Variants in PTPRC observed in about 807,000 individuals in gnomAD.
PTPRC encodes the protein protein tyrosine phosphatase receptor type C.
Under a neutral mutation model 155.9 loss-of-function variants are expected in PTPRC, and 44 were observed. The observed-to-expected ratio is 0.28, with a 90% CI of 0.22 to 0.36. PTPRC has a LOEUF of 0.36. Ranked by LOEUF, PTPRC falls within the 10% of genes least tolerant of loss-of-function variation. The probability of loss-of-function intolerance (pLI) is 1.00; values close to 1 mark genes in which losing one functional copy is unlikely to be tolerated. For synonymous variants in PTPRC, 525 were observed against 533.1 expected (o/e 0.98, Z 0.21); for missense variants, 1,401 against 1,564.6 (o/e 0.90, Z 1.76).
intron 3 of PTPRC, chr1:198,695,078 A>G: frequency 1.1e-6 from 1 of 917,872 alleles, no homozygotes; most frequent in Non-Finnish European, 1.3e-6. Context: ...TATTTCATGT[A>G]TATTGGAATT....
chr1:198,715,895 C>T (rs757688164), intron 12 of PTPRC, among the ~76,000 whole-genome samples: 3 of 152,148 alleles, frequency 2.0e-5, no homozygotes, highest in Non-Finnish European at 4.4e-5. Context: ...CCTGATGTCA[C>T]TTGGCTACTC....
At chr1:198,729,639 G>T (rs1654298856) in intron 17 of PTPRC, among the ~76,000 whole-genome samples, 1 of 152,160 alleles carries the variant, frequency 6.6e-6, no homozygotes, top group South Asian at 2.1e-4. Context: ...CTCAGCACCT[G>T]TGAAGTTCCC....
At chr1:198,715,267 C>T (rs1015903321) in intron 12 of PTPRC, among the ~76,000 whole-genome samples, 25 of 152,058 alleles carry the variant, frequency 1.6e-4, no homozygotes, top group African/African-American at 5.5e-4. Context: ...GGACTACAGG[C>T]GCCCGCCACC....
At chr1:198,681,612 T>G (rs1037841433) in intron 2 of PTPRC, among the ~76,000 whole-genome samples, 2 of 152,246 alleles carry the variant, frequency 1.3e-5, no homozygotes, top group Admixed American at 6.5e-5. Context: ...GTCTTACTTT[T>G]TTCTTTGTGA....
At chr1:198,674,875 T>C (rs1464309541) in intron 2 of PTPRC, among the ~76,000 whole-genome samples, 1 of 152,194 alleles carries the variant, frequency 6.6e-6, no homozygotes, top group Non-Finnish European at 1.5e-5. Flanking sequence ...GAAGTAACCA[T>C]GGGTACAATG....
chr1:198,669,696 C>A (rs1264496774), intron 2 of PTPRC, among the ~76,000 whole-genome samples: 2 of 152,046 alleles, frequency 1.3e-5, no homozygotes, highest in South Asian at 2.1e-4. Context: ...CCCCTTCTTT[C>A]CCCCAAAGAA....
At chr1:198,732,727 A>G (rs1412773598) in intron 20 of PTPRC, among the ~76,000 whole-genome samples, 171 bp downstream of exon 20, 2 of 151,870 alleles carry the variant, frequency 1.3e-5, no homozygotes, top group African/African-American at 4.8e-5. Flanking sequence ...TTATGTGACT[A>G]TTGGTATTAG....
intron 28 of PTPRC, among the ~76,000 whole-genome samples, chr1:198,750,032 T>C (rs1013404963): frequency 7.8e-5 from 11 of 141,498 alleles, no homozygotes; most frequent in African/African-American, 3.2e-4. Context: ...TAAATATTTA[T>C]TATTTATACA....
intron 2 of PTPRC, among the ~76,000 whole-genome samples, chr1:198,669,128 G>C (rs6669994): frequency 0.15 from 23,080 of 152,190 alleles, 1,846 homozygotes; most frequent in South Asian, 0.18. Context: ...AAAACTAGCA[G>C]ATTGGGCAAA....
At chr1:198,699,842 C>T in intron 5 of PTPRC, 138 bp downstream of exon 5, 2 of 1,131,040 alleles carry the variant, frequency 1.8e-6, no homozygotes, top group Non-Finnish European at 1.3e-6. Flanking sequence ...TTCAGTCACT[C>T]TTAGGAATAT....
At chr1:198,654,053 T>C (rs1663403488) in intron 2 of PTPRC, among the ~76,000 whole-genome samples, 1 of 151,878 alleles carries the variant, frequency 6.6e-6, no homozygotes, top group African/African-American at 2.4e-5. Context: ...CTCATGTTTG[T>C]TAATAAAATT....
intron 17 of PTPRC, 71 bp from the exon 18 acceptor site, chr1:198,731,546 A>T: frequency 8.6e-7 from 1 of 1,157,716 alleles, no homozygotes; most frequent in Non-Finnish European, 1.3e-6. Flanking sequence ...ACACGGTGTA[A>T]ATTTAATGAA....
intron 2 of PTPRC, among the ~76,000 whole-genome samples, chr1:198,663,549 C>T (rs929969995): frequency 6.6e-6 from 1 of 152,196 alleles, no homozygotes; most frequent in Non-Finnish European, 1.5e-5. Flanking sequence ...AAAGCCCTGA[C>T]CTGGACATTG....
At position 198,706,717 on chromosome 1, in the gene PTPRC, G is replaced by A. The variant is rs752461174; in HGVS notation, c.686-17G>A. The A allele has an allele frequency of 1.3e-6, 2 of 1,599,932 alleles. No individual in the cohort carries two copies. The highest frequency in any genetic ancestry group is 2.7e-5 in the African/African-American group (2 of 74,492). ...TTATTCTGGAAAAATAACACTCAAT[G>A]TTCTATTTTCTTTTAGATGAAAAAT... On this transcript the variant is annotated splice_polypyrimidine_tract_variant and intron_variant, in intron 8 of 32. Coordinates refer to ENST00000442510, the MANE Select transcript of PTPRC (RefSeq NM_002838.5).
rs778994644 is a variant in PTPRC, at chr1:198,696,875, C to T, written c.264C>T (p.Asp88=). 1.2e-6 allele frequency: 2 copies of T among 1,614,068 alleles called. No individual in the cohort carries two copies. The highest frequency in any genetic ancestry group is 2.2e-5 in the South Asian group (2 of 91,078). The change falls in exon 4 of 33, where the codon GAC becomes GAT. Residue 88 remains aspartate (D), a synonymous_variant. Transcript: ENST00000442510. ...ATACTTCCACCCAAGTATCCCCGGACTCTTTGGATAATGCTAGTGCTTTTA... is the reference window on the plus strand; with the variant it reads ...ATACTTCCACCCAAGTATCCCCGGATTCTTTGGATAATGCTAGTGCTTTTA... ...PDNTSTQVSP[D]SLDNASAFNT...
In PTPRC at chr1:198,728,356, G is replaced by A. The variant is rs112713919; in HGVS notation, c.1737G>A (p.Leu579=). 4 of 1,612,580 alleles carry A rather than the reference G, an allele frequency of 2.5e-6. No individual in the cohort carries two copies. In the African/African-American group the frequency reaches 5.3e-5, roughly 22 times the overall value. Reference sequence around the variant, plus strand: ...CATTTCTAGATAATTCTAAGGCACTGATAGCATTTCTGGCATTTCTGATTA... The same window carrying A: ...CATTTCTAGATAATTCTAAGGCACTAATAGCATTTCTGGCATTTCTGATTA... The part of the protein sequence containing the change: ...HHSTSYNSKA[L]IAFLAFLIIV... Residue 579 remains leucine, a synonymous_variant, in exon 16 of 33, where the codon CTG becomes CTA. Transcript: ENST00000442510.
chr1:198,706,178 T>C (rs1361443141), intron 8 of PTPRC, among the ~76,000 whole-genome samples: 2 of 152,222 alleles, frequency 1.3e-5, no homozygotes, highest in African/African-American at 4.8e-5. Flanking sequence ...GCAGAAATTG[T>C]TGACACTAAA....
At chr1:198,754,075 T>G (rs1027737438) in intron 31 of PTPRC, among the ~76,000 whole-genome samples, 194 bp from the exon 32 acceptor site, 2 of 152,084 alleles carry the variant, frequency 1.3e-5, no homozygotes, top group African/African-American at 4.8e-5. Flanking sequence ...TCCAGGATTA[T>G]CACACTCTTA....
rs1553238355 is a variant in PTPRC, at chr1:198,702,454, C to T, written c.507C>T (p.Thr169=). The part of the protein sequence containing the change: ...PTDPVSPLTT[T]LSLAHHSSAA... ...ACCCAGTTTCCCCATTGACAACCAC[C>T]CTCAGCCTTGCACACCACAGCTCTG... The change falls in exon 6 of 33, where the codon ACC becomes ACT. Residue 169 remains threonine (T), a synonymous_variant. Coordinates refer to ENST00000442510, the MANE Select transcript of PTPRC (RefSeq NM_002838.5). The T allele has an allele frequency of 2.5e-6, 4 of 1,614,180 alleles. No homozygotes were observed.
Sources: gnomAD v4.1 joint callset for allele counts (sites outside exome capture counted in the v4.1 genomes callset) on GRCh38, gnomAD v4.1.1 for gene constraint, MANE v1.5 for transcripts, NCBI Gene and HGNC (gene_info 2026-07-23, HGNC 2026-07-21) for gene names.